Variants in CIMIP6 observed in about 807,000 individuals in gnomAD.
CIMIP6 encodes the protein ciliary microtubule inner protein 6, also known as uncharacterized protein C2orf73.
At chr2:54,338,298 G>T in the CIMIP6 span, among the ~76,000 whole-genome samples, 733 of 151,870 alleles carry the variant, frequency 4.8e-3, 7 homozygotes, top group African/African-American at 0.014. Context: ...AGCCAGGTGT[G>T]GTGGCAAGCC....
the CIMIP6 span, among the ~76,000 whole-genome samples, chr2:54,332,337 G>A: frequency 8.6e-5 from 13 of 151,966 alleles, no homozygotes; most frequent in African/African-American, 2.4e-4. Context: ...TTTTTCATCC[G>A]CCTTTCCCCA....
At chr2:54,343,890 G>A in the CIMIP6 span, 283 of 1,551,318 alleles carry the variant, frequency 1.8e-4, no homozygotes, top group Non-Finnish European at 2.4e-4. Flanking sequence ...TTTTGCAGTG[G>A]TAAAAACCTT....
the CIMIP6 span, among the ~76,000 whole-genome samples, chr2:54,376,618 G>C: frequency 6.6e-6 from 1 of 152,298 alleles, no homozygotes; most frequent in East Asian, 1.9e-4. Context: ...TTTGGTGACA[G>C]TCACCCAGGA....
At chr2:54,346,751 C>G in the CIMIP6 span, among the ~76,000 whole-genome samples, 1 of 152,206 alleles carries the variant, frequency 6.6e-6, no homozygotes, top group Non-Finnish European at 1.5e-5. Context: ...TGCAGTACAG[C>G]TGCTATTACC....
chr2:54,348,451 A>G, the CIMIP6 span, among the ~76,000 whole-genome samples: 1 of 152,052 alleles, frequency 6.6e-6, no homozygotes, highest in Non-Finnish European at 1.5e-5. Context: ...GGTATTTCTC[A>G]TGGCCAAGTT....
the CIMIP6 span, among the ~76,000 whole-genome samples, chr2:54,345,881 T>C: frequency 6.6e-6 from 1 of 152,138 alleles, no homozygotes; most frequent in Non-Finnish European, 1.5e-5. Flanking sequence ...CATAAAGGGA[T>C]AGAAAAATAA....
At chr2:54,356,428 C>G in the CIMIP6 span, among the ~76,000 whole-genome samples, 1 of 152,186 alleles carries the variant, frequency 6.6e-6, no homozygotes, top group South Asian at 2.1e-4. Context: ...TTTAAAAGCT[C>G]TCCCACAACT....
At chr2:54,331,650 G>C in the CIMIP6 span, among the ~76,000 whole-genome samples, 1 of 152,046 alleles carries the variant, frequency 6.6e-6, no homozygotes, top group Admixed American at 6.5e-5. Flanking sequence ...CTGGTTGTTA[G>C]GAATGCAAAT....
At chr2:54,343,964 AAAT>A in the CIMIP6 span, 13 of 1,145,620 alleles carry the variant, frequency 1.1e-5, no homozygotes, top group Non-Finnish European at 1.5e-5. Context: ...CAGCTCCTGA[AAAT>A]AATTACTTCT....
At chr2:54,380,621 A>G in the CIMIP6 span, among the ~76,000 whole-genome samples, 79 of 152,356 alleles carry the variant, frequency 5.2e-4, no homozygotes, top group South Asian at 8.7e-3. Flanking sequence ...TGTCGACATT[A>G]CAGGGAGACC....
the CIMIP6 span, among the ~76,000 whole-genome samples, chr2:54,382,586 A>G: frequency 6.6e-6 from 1 of 151,960 alleles, no homozygotes; most frequent in Non-Finnish European, 1.5e-5. Context: ...TCCTACCTAT[A>G]TTCAAATATC....
At chr2:54,343,654 C>A in the CIMIP6 span, 1 of 1,178,744 alleles carries the variant, frequency 8.5e-7, no homozygotes, top group Non-Finnish European at 1.2e-6. Flanking sequence ...TATCCATAGA[C>A]ATCAAGCAAT....
At chr2:54,338,290 C>A in the CIMIP6 span, among the ~76,000 whole-genome samples, 1 of 152,024 alleles carries the variant, frequency 6.6e-6, no homozygotes, top group Non-Finnish European at 1.5e-5. Context: ...AAATAAATAG[C>A]CAGGTGTGGT....
the CIMIP6 span, among the ~76,000 whole-genome samples, chr2:54,380,499 T>G: frequency 6.6e-6 from 1 of 152,180 alleles, no homozygotes; most frequent in Non-Finnish European, 1.5e-5. Context: ...AGGTTCCAGC[T>G]GATTGATAAC....
chr2:54,349,880 G>A, the CIMIP6 span, among the ~76,000 whole-genome samples: 74 of 144,506 alleles, frequency 5.1e-4, no homozygotes, highest in Non-Finnish European at 8.3e-4. Flanking sequence ...ACGGAGTCTC[G>A]CTCTGTCGCC....
the CIMIP6 span, among the ~76,000 whole-genome samples, chr2:54,380,198 T>C: frequency 6.6e-6 from 1 of 152,138 alleles, no homozygotes; most frequent in Non-Finnish European, 1.5e-5. Flanking sequence ...GTGCCTCCTA[T>C]ATGCTCAGTG....
the CIMIP6 span, among the ~76,000 whole-genome samples, chr2:54,363,073 T>C: frequency 3.3e-5 from 5 of 152,206 alleles, no homozygotes; most frequent in African/African-American, 1.2e-4. Flanking sequence ...TCTCCTAGGA[T>C]ATTGTAGTTA....
the CIMIP6 span, among the ~76,000 whole-genome samples, chr2:54,349,871 C>T: frequency 2.1e-5 from 3 of 142,558 alleles, no homozygotes; most frequent in Admixed American, 1.4e-4. Context: ...TTTTTTGAGA[C>T]GGAGTCTCGC....
the CIMIP6 span, among the ~76,000 whole-genome samples, chr2:54,337,590 C>G: frequency 6.6e-6 from 1 of 152,120 alleles, no homozygotes; most frequent in Non-Finnish European, 1.5e-5. Flanking sequence ...GAAAAAGAAG[C>G]TGGTTTGAGA....
Sources: gnomAD v4.1 joint callset for allele counts (sites outside exome capture counted in the v4.1 genomes callset) on GRCh38, gnomAD v4.1.1 for gene constraint, MANE v1.5 for transcripts, NCBI Gene and HGNC (gene_info 2026-07-23, HGNC 2026-07-21) for gene names.